The following GRIP1 variants were observed in gnomAD, a reference collection of about 807,000 sequenced individuals.
GRIP1 encodes the protein glutamate receptor interacting protein 1.
A neutral mutation model predicts 129.9 loss-of-function variants in GRIP1; 45 were observed. The ratio of observed to expected loss-of-function variants is 0.35; its 90% CI spans 0.27 to 0.44. The LOEUF is 0.44. Among genes scored for constraint, GRIP1 ranks in the 20% least tolerant of loss-of-function variants. GRIP1 has a pLI of 1.00. For missense variants in GRIP1, 1,196 were observed against 1,396.8 expected (o/e 0.86, Z 2.29); for synonymous variants, 530 against 520.8 (o/e 1.02, Z -0.24).
At position 66,921,575 on chromosome 12, in the gene GRIP1, G is replaced by A. The variant is rs115280390; in HGVS notation, c.58+147475C>T. Among the ~76,000 whole-genome samples, 709 of 152,264 alleles carry A rather than the reference G, an allele frequency of 4.7e-3. 6 individuals are homozygous for A. The highest frequency in any genetic ancestry group is 0.016 in the African/African-American group (667 of 41,550). ...TTGAACTCAGCATAGTAGGGATGGG[G>A]CACCCACAGGTGGCCTGACATCACT... On this transcript the variant is annotated intron_variant, in intron 1 of 1. Transcript: ENST00000643019.
At chr12:66,657,144 C>T (rs1363498722) in intron 1 of GRIP1, among the ~76,000 whole-genome samples, 2 of 152,136 alleles carry the variant, frequency 1.3e-5, no homozygotes, top group African/African-American at 4.8e-5. Flanking sequence ...AGATTTGCCT[C>T]ACCAAATTTT....
intron 1 of GRIP1, among the ~76,000 whole-genome samples, chr12:66,611,513 A>G (rs1278043406): frequency 6.6e-6 from 1 of 152,072 alleles, no homozygotes; most frequent in African/African-American, 2.4e-5. Context: ...TTTGCATTTC[A>G]TACTTGTGCA....
intron 1 of GRIP1, among the ~76,000 whole-genome samples, chr12:66,740,565 C>A (rs2036757581): frequency 6.6e-6 from 1 of 152,160 alleles, no homozygotes; most frequent in Non-Finnish European, 1.5e-5. Flanking sequence ...GTTGGAAAAA[C>A]CACTTAGCCT....
At chr12:66,538,593 T>C (rs759836250) in intron 4 of GRIP1, among the ~76,000 whole-genome samples, 4 of 152,124 alleles carry the variant, frequency 2.6e-5, no homozygotes, top group Admixed American at 6.6e-5. Flanking sequence ...TATTCCATTT[T>C]ATTAATGTTG....
intron 2 of GRIP1, among the ~76,000 whole-genome samples, chr12:66,564,392 T>C (rs1336919271): frequency 2.6e-5 from 4 of 151,412 alleles, no homozygotes; most frequent in Non-Finnish European, 5.9e-5. Context: ...TTTTCTGTCC[T>C]TGTGATAGTT....
At chr12:66,809,906 T>C (rs2039070659) in intron 1 of GRIP1, among the ~76,000 whole-genome samples, 1 of 152,170 alleles carries the variant, frequency 6.6e-6, no homozygotes, top group Non-Finnish European at 1.5e-5. Flanking sequence ...TCTGCCCACC[T>C]TGGCCTCCCA....
chr12:66,481,088 C>T (rs1397862596), intron 7 of GRIP1, among the ~76,000 whole-genome samples: 4 of 151,864 alleles, frequency 2.6e-5, no homozygotes, highest in Non-Finnish European at 4.4e-5. Context: ...AAAGCCAAAA[C>T]TAACAAATGG....
rs571698140 is a variant in GRIP1, at chr12:66,354,708, T to G, written c.3013-1145A>C. Among the ~76,000 whole-genome samples, 68 of 152,184 alleles carry G rather than the reference T, an allele frequency of 4.5e-4. 1 individual carries two copies. Among genetic ancestry groups the G allele is most frequent in the Non-Finnish European group, 5.0e-4 (34 of 67,986 alleles). On this transcript the variant is annotated intron_variant, in intron 23 of 24. Coordinates refer to ENST00000359742, the MANE Select transcript of GRIP1 (RefSeq NM_001366722.1). The stretch of plus-strand genomic sequence containing the variant: ...AGTCAAAACAAAAACAAAAACAAAA[T>G]CAGAGCTATGCAGGGCAAAATGTGA...
intron 2 of GRIP1, among the ~76,000 whole-genome samples, chr12:66,571,976 A>G (rs1413730301): frequency 6.6e-6 from 1 of 152,154 alleles, no homozygotes; most frequent in African/African-American, 2.4e-5. Flanking sequence ...TGGTGTATGC[A>G]CTTATGAAAT....
chr12:66,811,989 C>T (rs956429400), intron 1 of GRIP1, among the ~76,000 whole-genome samples: 5 of 152,054 alleles, frequency 3.3e-5, no homozygotes, highest in African/African-American at 1.2e-4. Context: ...ATTTCTTTGG[C>T]CCCCAATCCT....
Position 67,061,856 on chromosome 12 carries a change from C to T in GRIP1, c.58+7194G>A, listed in dbSNP as rs557438169. Among the ~76,000 whole-genome samples the T allele has an allele frequency of 5.3e-5, 8 of 151,898 alleles. No individual in the cohort carries two copies. In the East Asian group the frequency reaches 7.7e-4, roughly 15 times the overall value. ...TGTTTACTTTTTCCCCTACATTGACCGGTGGAGTGAGGCAATAAAAAAGGC... is the reference window on the plus strand; with the variant it reads ...TGTTTACTTTTTCCCCTACATTGACTGGTGGAGTGAGGCAATAAAAAAGGC... On this transcript the variant is annotated intron_variant, in intron 1 of 1. Coordinates refer to the GRIP1 transcript ENST00000643019.
intron 1 of GRIP1, among the ~76,000 whole-genome samples, chr12:66,670,737 A>G (rs1338846848): frequency 6.6e-6 from 1 of 152,152 alleles, no homozygotes; most frequent in Non-Finnish European, 1.5e-5. Flanking sequence ...TCTAAGGGAG[A>G]GCTCAGAGCT....
In GRIP1 at chr12:67,006,862, G is replaced by A. The variant is rs550977583; in HGVS notation, c.58+62188C>T. ...GCCTTGGTTTCTACAGCAAATACAT[G>A]CATGGGCAATGTTTCCTCTAGTTCT... On this transcript the variant is annotated intron_variant, in intron 1 of 1. Transcript: ENST00000643019. 3.9e-5 allele frequency among the ~76,000 whole-genome samples: 6 copies of A among 152,330 alleles called. No homozygotes were observed. The South Asian group carries it at 1.2e-3, about 32-fold the overall frequency.
At chr12:66,460,292 A>G (rs925110350) in intron 9 of GRIP1, among the ~76,000 whole-genome samples, 1 of 152,208 alleles carries the variant, frequency 6.6e-6, no homozygotes, top group African/African-American at 2.4e-5. Flanking sequence ...TGGTGACGTC[A>G]CTACTGCAGT....
In GRIP1 at chr12:66,983,332, T is replaced by C. The variant is rs546159325; in HGVS notation, c.58+85718A>G. ...AAACTATAATTTTCCTACTCAGCTG[T>C]GTTGAAGTGCTCTGTTCTTATAAAA... On this transcript the variant is annotated intron_variant, in intron 1 of 1. Transcript: ENST00000643019. Among the ~76,000 whole-genome samples the C allele has an allele frequency of 9.8e-5, 15 of 152,312 alleles. No individual in the cohort carries two copies. In the South Asian group the frequency reaches 3.1e-3, roughly 32 times the overall value.
chr12:66,418,610 A>AT (rs2057694093), intron 15 of GRIP1, among the ~76,000 whole-genome samples: 1 of 152,298 alleles, frequency 6.6e-6, no homozygotes, highest in African/African-American at 2.4e-5. Flanking sequence ...CAATCTAGTA[A>AT]TCCTATTAAA....
At chr12:66,813,297 G>T (rs2039138937) in intron 1 of GRIP1, among the ~76,000 whole-genome samples, 1 of 152,116 alleles carries the variant, frequency 6.6e-6, no homozygotes, top group African/African-American at 2.4e-5. Context: ...TGAACTAATA[G>T]AGAGAGAACT....
upstream of GRIP1, among the ~76,000 whole-genome samples, chr12:66,679,713 T>C (rs1205779340): frequency 6.6e-6 from 1 of 152,124 alleles, no homozygotes; most frequent in African/African-American, 2.4e-5. Context: ...AGCAACACAG[T>C]CAAGACTGTT....
At chr12:66,596,026 G>A (rs2064035988) in intron 2 of GRIP1, among the ~76,000 whole-genome samples, 1 of 152,096 alleles carries the variant, frequency 6.6e-6, no homozygotes, top group African/African-American at 2.4e-5. Flanking sequence ...CTAAAATCCT[G>A]TAGCTGAGGT....
Sources: gnomAD v4.1 joint callset for allele counts (sites outside exome capture counted in the v4.1 genomes callset) on GRCh38, gnomAD v4.1.1 for gene constraint, MANE v1.5 for transcripts, NCBI Gene and HGNC (gene_info 2026-07-23, HGNC 2026-07-21) for gene names.